Variants in WNK2 observed in about 807,000 individuals in gnomAD.
WNK2 encodes serine/threonine-protein kinase WNK2.
A neutral mutation model predicts 192.1 loss-of-function variants in WNK2; 67 were observed. The ratio of observed to expected loss-of-function variants is 0.35; its 90% confidence interval spans 0.29 to 0.43. WNK2 has a LOEUF of 0.43. Ranked by LOEUF, WNK2 falls within the 20% of genes least tolerant of loss-of-function variation. The pLI is 1.00. For synonymous variants in WNK2, 1,439 were observed against 1,393.9 expected, an observed-to-expected ratio of 1.03 and a Z score of -0.72; for missense variants, 2,698 against 3,089.7, an observed-to-expected ratio of 0.87 and a Z score of 3.01.
chr9:93,294,973 C>A (rs768328214), intron 23 of WNK2, among the ~76,000 whole-genome samples: 31 of 152,292 alleles, frequency 2.0e-4, no homozygotes, highest in Non-Finnish European at 3.8e-4. Flanking sequence ...GCCAGCAGCT[C>A]CCCAACCTTG....
intron 7 of WNK2, 138 bp downstream of exon 7, chr9:93,240,114 G>T: frequency 2.2e-6 from 2 of 906,552 alleles, no homozygotes. Flanking sequence ...TGCCATCCAG[G>T]CAGGTGTGGG....
At chr9:93,209,632 C>G (rs1587897908) in intron 2 of WNK2, among the ~76,000 whole-genome samples, 1 of 152,270 alleles carries the variant, frequency 6.6e-6, no homozygotes, top group African/African-American at 2.4e-5. Context: ...GGGGCAGCTC[C>G]CAGGGCTGTG....
At chr9:93,252,687 G>A (rs942879827) in intron 8 of WNK2, among the ~76,000 whole-genome samples, 196 bp from the exon 9 acceptor site, 3 of 152,252 alleles carry the variant, frequency 2.0e-5, no homozygotes, top group Non-Finnish European at 2.9e-5. Flanking sequence ...CATGGGCAGT[G>A]TTGGAGTGGG....
intron 23 of WNK2, among the ~76,000 whole-genome samples, chr9:93,296,849 C>CGG (rs1850609261): frequency 8.4e-6 from 1 of 119,750 alleles, no homozygotes; most frequent in African/African-American, 3.3e-5. Flanking sequence ...CCCCCTCCAT[C>CGG]CTTCCTTCAC....
At chr9:93,216,020 T>G (rs1463106537) in intron 2 of WNK2, among the ~76,000 whole-genome samples, 1 of 152,214 alleles carries the variant, frequency 6.6e-6, no homozygotes, top group Non-Finnish European at 1.5e-5. Context: ...CCGTCTGGAA[T>G]TGAACTGATT....
rs561060493 is a variant in WNK2 at position 93,253,770 on chromosome 9, A to C, written c.2034+688A>C. 1.3e-3 allele frequency among the ~76,000 whole-genome samples: 191 copies of C among 152,304 alleles called. 2 individuals carry two copies. Among genetic ancestry groups the C allele is most frequent in the Admixed American group, 8.4e-3 (128 of 15,306 alleles). ...GGGAAAGACTAAGATGAGTGGGGTC[A>C]CATTTGGCACTTATTTTTTTATTTT... is the stretch of plus-strand genomic sequence containing the variant. On this transcript the variant is annotated intron_variant, in intron 9 of 29. Coordinates refer to ENST00000427277, the MANE Select transcript of WNK2 (RefSeq NM_006648.4).
At chr9:93,251,220 A>C (rs1588183109) in intron 8 of WNK2, among the ~76,000 whole-genome samples, 1 of 151,992 alleles carries the variant, frequency 6.6e-6, no homozygotes, top group Non-Finnish European at 1.5e-5. Context: ...GGTTCAAGCT[A>C]TTCTCCTGCC....
At chr9:93,187,038 G>A (rs909818137) in intron 2 of WNK2, among the ~76,000 whole-genome samples, 4 of 152,142 alleles carry the variant, frequency 2.6e-5, no homozygotes, top group African/African-American at 7.2e-5. Flanking sequence ...AAGGGGAGAC[G>A]ACTCTTGATT....
chr9:93,202,880 G>T (rs180997616), intron 2 of WNK2, among the ~76,000 whole-genome samples: 1 of 152,276 alleles, frequency 6.6e-6, no homozygotes, highest in Non-Finnish European at 1.5e-5. Context: ...GGCTGCCTTT[G>T]TGGGGGTGGG....
chr9:93,190,717 T>TGTGGCTGGGGC (rs1038475355), intron 2 of WNK2, among the ~76,000 whole-genome samples: 4 of 152,250 alleles, frequency 2.6e-5, no homozygotes, highest in African/African-American at 9.6e-5. Context: ...GTGCCTGGGA[T>TGTGGCTGGGGC]GTGGCTGGGG....
intron 29 of WNK2, chr9:93,319,112 G>A (rs1470730991): frequency 2.5e-6 from 4 of 1,614,006 alleles, no homozygotes; most frequent in East Asian, 2.2e-5. Context: ...TGTCCCCCTT[G>A]CCTGTGAATC....
chr9:93,283,324 A>G (rs1488659372), intron 19 of WNK2, among the ~76,000 whole-genome samples: 1 of 152,214 alleles, frequency 6.6e-6, no homozygotes, highest in Non-Finnish European at 1.5e-5. Flanking sequence ...ATGAAATAGT[A>G]AACAAATATA....
intron 2 of WNK2, among the ~76,000 whole-genome samples, chr9:93,211,286 TCATA>T (rs1834628319): frequency 2.0e-5 from 3 of 151,276 alleles, no homozygotes; most frequent in African/African-American, 4.9e-5. Context: ...ATCCACTCAC[TCATA>T]CACTCAGTCA....
chr9:93,211,280 A>C (rs59808152), intron 2 of WNK2, among the ~76,000 whole-genome samples: 166 of 118,686 alleles, frequency 1.4e-3, no homozygotes, highest in South Asian at 1.7e-3. Context: ...TCACTCATCC[A>C]CTCACTCATA....
chr9:93,308,739 T>C, intron 28 of WNK2, 155 bp downstream of exon 28: 1 of 1,392,982 alleles, frequency 7.2e-7, no homozygotes. Flanking sequence ...ACTAGGCTTG[T>C]CCACTTTACA....
In WNK2 at chr9:93,253,099, C is replaced by G; in HGVS notation, c.2034+17C>G. 2 of 1,384,362 alleles carry G rather than the reference C, an allele frequency of 1.4e-6. No homozygotes were observed. Among genetic ancestry groups the G allele is most frequent in the Non-Finnish European group, 1.9e-6 (2 of 1,070,402 alleles). The allele number at this position is 1,384,362 out of a possible 1,614,324, so 85.8% of individuals were successfully genotyped here. ...ACGGCTGCAGTGAGTCAGAGCATCA[C>G]TCCCACCCCCTTCCCCATCCCCATT... On this transcript the variant is annotated intron_variant, in intron 9 of 29. Transcript: ENST00000427277.
intron 7 of WNK2, among the ~76,000 whole-genome samples, chr9:93,246,052 C>T (rs1157972676): frequency 1.3e-5 from 2 of 152,198 alleles, no homozygotes; most frequent in African/African-American, 4.8e-5. Flanking sequence ...TACCTGCCGC[C>T]CCCCACCTGA....
At chr9:93,292,258 T>G in intron 21 of WNK2, 50 bp from the exon 22 acceptor site, 3 of 1,602,526 alleles carry the variant, frequency 1.9e-6, no homozygotes, top group Non-Finnish European at 2.6e-6. Flanking sequence ...GAGCCATCTC[T>G]GCCTCTTCCT....
chr9:93,268,596 C>T, intron 18 of WNK2, 31 bp from the exon 19 acceptor site: 1 of 1,593,914 alleles, frequency 6.3e-7, no homozygotes, highest in Non-Finnish European at 8.5e-7. Flanking sequence ...CGCTCACTCA[C>T]TCAGCGTGCT....
Sources: allele counts gnomAD v4.1 joint callset (sites outside exome capture counted in the v4.1 genomes callset), GRCh38; gene constraint gnomAD v4.1.1; transcripts MANE v1.5; gene names NCBI Gene and HGNC (gene_info 2026-07-23, HGNC 2026-07-21).